HPSE2: variants seen among roughly 807,000 people sequenced by gnomAD.
The protein encoded by HPSE2 is inactive heparanase-2.
Under a neutral mutation model 60.5 loss-of-function variants are expected in HPSE2, and 38 were observed. The ratio of observed to expected loss-of-function variants is 0.63; its 90% CI spans 0.48 to 0.82. HPSE2 has a LOEUF of 0.82. Among genes scored for constraint, HPSE2 ranks in the 40% least tolerant of loss-of-function variants. HPSE2 has a pLI of 0.00. For missense variants in HPSE2, 713 were observed against 740.4 expected, an observed-to-expected ratio of 0.96 and a Z score of 0.43; for synonymous variants, 295 against 293.2, an observed-to-expected ratio of 1.01 and a Z score of -0.06.
At chr10:99,101,283 G>T (rs1419741878) in intron 3 of HPSE2, among the ~76,000 whole-genome samples, 3 of 152,130 alleles carry the variant, frequency 2.0e-5, no homozygotes, top group Non-Finnish European at 4.4e-5. Context: ...AAAATAAAGG[G>T]ATGGAGGAAG....
intron 3 of HPSE2, among the ~76,000 whole-genome samples, chr10:99,006,137 T>C (rs1325441136): frequency 1.3e-5 from 2 of 151,926 alleles, no homozygotes; most frequent in Non-Finnish European, 2.9e-5. Flanking sequence ...TGAGCCCAAG[T>C]CTGCAGGGGT....
At chr10:99,231,295 C>T (rs541433379) in intron 2 of HPSE2, among the ~76,000 whole-genome samples, 1 of 152,282 alleles carries the variant, frequency 6.6e-6, no homozygotes, top group East Asian at 1.9e-4. Flanking sequence ...ATTCAGAAGG[C>T]TCTGAAAATC....
chr10:99,235,966 T>TCTCG (rs140848494), upstream of HPSE2: 14 of 482,492 alleles, frequency 2.9e-5, no homozygotes, highest in South Asian at 2.1e-4. Context: ...TCTCTCTCTC[T>TCTCG]CTCGCTCGCT....
chr10:99,099,575 A>T (rs1274675978), intron 3 of HPSE2, among the ~76,000 whole-genome samples: 1 of 152,248 alleles, frequency 6.6e-6, no homozygotes, highest in African/African-American at 2.4e-5. Flanking sequence ...GGCAGGGCAT[A>T]GCTGAACAAA....
intron 3 of HPSE2, among the ~76,000 whole-genome samples, chr10:98,798,581 G>C (rs1950833496): frequency 6.6e-6 from 1 of 152,108 alleles, no homozygotes; most frequent in South Asian, 2.1e-4. Flanking sequence ...AAAAATTGAG[G>C]GGATGAAGTT....
chr10:99,280,874 A>G, the HPSE2 span, among the ~76,000 whole-genome samples: 1 of 152,130 alleles, frequency 6.6e-6, no homozygotes, highest in South Asian at 2.1e-4. Flanking sequence ...TCACTCAACA[A>G]ATATTAAGTG....
At chr10:98,556,607 A>G (rs1056225533) in intron 9 of HPSE2, among the ~76,000 whole-genome samples, 1 of 152,216 alleles carries the variant, frequency 6.6e-6, no homozygotes, top group East Asian at 1.9e-4. Context: ...TATCTAATGA[A>G]AGTAGGTAAG....
chr10:99,056,569 T>A (rs1452785952), intron 3 of HPSE2, among the ~76,000 whole-genome samples: 2 of 152,168 alleles, frequency 1.3e-5, no homozygotes, highest in Non-Finnish European at 2.9e-5. Flanking sequence ...TTTCAACAAA[T>A]GTTGCTGGAA....
At chr10:98,657,823 T>C (rs548864) in intron 6 of HPSE2, among the ~76,000 whole-genome samples, 127,634 of 152,164 alleles carry the variant, frequency 0.84, 56,928 homozygotes, top group Non-Finnish European at 1. Context: ...AATTCTTAGA[T>C]ATGTTTATGT....
rs576018111 is a variant in HPSE2 at position 99,003,691 on chromosome 10, T to C, written c.610+140547A>G. On this transcript the variant is annotated intron_variant, in intron 3 of 11. Transcript: ENST00000370552. ...TATTAATCAGTTTCTCTTCTTGCTATTGAGTTGAGTTCCTTACACATTTTG... is the reference window on the plus strand; with the variant it reads ...TATTAATCAGTTTCTCTTCTTGCTACTGAGTTGAGTTCCTTACACATTTTG... Among the ~76,000 whole-genome samples, 4 of 152,224 alleles carry C rather than the reference T, an allele frequency of 2.6e-5. No individual in the cohort carries two copies. In the East Asian group the frequency reaches 5.8e-4, roughly 22 times the overall value.
chr10:98,655,900 T>C (rs1947048272), intron 6 of HPSE2, among the ~76,000 whole-genome samples: 1 of 152,172 alleles, frequency 6.6e-6, no homozygotes, highest in Non-Finnish European at 1.5e-5. Context: ...GTCTCCTCTT[T>C]GACACAGTGA....
intron 3 of HPSE2, among the ~76,000 whole-genome samples, chr10:99,087,728 C>G (rs1843373057): frequency 6.6e-6 from 1 of 152,154 alleles, no homozygotes. Flanking sequence ...TTTTTCATTT[C>G]TGGATCTACC....
Position 98,575,912 on chromosome 10 carries a change from A to G in HPSE2, c.1320+38992T>C, listed in dbSNP as rs199926907. Among the ~76,000 whole-genome samples, 15 of 152,328 alleles carry G rather than the reference A, an allele frequency of 9.8e-5. No individual in the cohort carries two copies. In the East Asian group the frequency reaches 2.9e-3, roughly 29 times the overall value. On this transcript the variant is annotated intron_variant, in intron 9 of 11. Transcript: ENST00000370552. Reference sequence around the variant, plus strand: ...ATAAAGACAAGAGGTTATATTAGTAAATAATTACCTTGTAGAATTTCACTC... The same window carrying G: ...ATAAAGACAAGAGGTTATATTAGTAGATAATTACCTTGTAGAATTTCACTC...
chr10:98,966,936 C>T (rs1413108380), intron 3 of HPSE2, among the ~76,000 whole-genome samples: 1 of 152,100 alleles, frequency 6.6e-6, no homozygotes, highest in East Asian at 1.9e-4. Flanking sequence ...TTAATCCTTC[C>T]AGGCTGGAGT....
At chr10:98,902,965 C>T (rs928471116) in intron 3 of HPSE2, among the ~76,000 whole-genome samples, 3 of 152,006 alleles carry the variant, frequency 2.0e-5, no homozygotes, top group African/African-American at 7.2e-5. Flanking sequence ...CACACAAAAA[C>T]TTGAACACAA....
At chr10:98,467,411 G>A (rs952627275) in intron 11 of HPSE2, among the ~76,000 whole-genome samples, 41 of 152,194 alleles carry the variant, frequency 2.7e-4, no homozygotes, top group African/African-American at 9.2e-4. Flanking sequence ...CCAGGCTTGG[G>A]ACATGAAATG....
intron 9 of HPSE2, among the ~76,000 whole-genome samples, chr10:98,585,875 C>A (rs548694017): frequency 1.6e-4 from 24 of 150,400 alleles, no homozygotes; most frequent in Admixed American, 1.2e-3. Flanking sequence ...TTGCTTGAAC[C>A]CGGGAGGCAG....
chr10:98,736,910 G>C (rs1170639249), intron 4 of HPSE2, among the ~76,000 whole-genome samples: 1 of 152,198 alleles, frequency 6.6e-6, no homozygotes, highest in Non-Finnish European at 1.5e-5. Context: ...CACATACATA[G>C]TTAATGCAAG....
chr10:98,778,773 C>G (rs908586821), intron 3 of HPSE2, among the ~76,000 whole-genome samples: 6 of 152,154 alleles, frequency 3.9e-5, no homozygotes, highest in African/African-American at 1.4e-4. Flanking sequence ...ATGATTAAAT[C>G]AGATGATCTC....
Sources: allele counts gnomAD v4.1 joint callset (sites outside exome capture counted in the v4.1 genomes callset), GRCh38; gene constraint gnomAD v4.1.1; transcripts MANE v1.5; gene names NCBI Gene and HGNC (gene_info 2026-07-23, HGNC 2026-07-21).